The following CDK14 variants were observed in gnomAD, a reference collection of about 807,000 sequenced individuals.
CDK14 encodes cyclin dependent kinase 14.
In CDK14, 34 loss-of-function variants were observed where a neutral mutation model predicts 60.7. The observed-to-expected ratio is 0.56, with a 90% CI of 0.43 to 0.75. The LOEUF (loss-of-function observed/expected upper bound fraction) is 0.75. Ranked by LOEUF, CDK14 falls within the 30% of genes least tolerant of loss-of-function variation. The pLI is 0.00. For synonymous variants in CDK14, 197 were observed against 203.7 expected (o/e 0.97, Z 0.28); for missense variants, 482 against 564.1 (o/e 0.85, Z 1.47).
At chr7:90,798,265 T>C (rs571955252) in intron 5 of CDK14, among the ~76,000 whole-genome samples, 10 of 150,468 alleles carry the variant, frequency 6.6e-5, no homozygotes, top group African/African-American at 1.0e-4. Context: ...TTATTTGTTT[T>C]TTTCTTGCCT....
chr7:90,701,649 C>T (rs1262866680), intron 2 of CDK14, among the ~76,000 whole-genome samples: 1 of 152,168 alleles, frequency 6.6e-6, no homozygotes, highest in African/African-American at 2.4e-5. Flanking sequence ...CCTTTCTGTA[C>T]ATGTATCCCC....
intron 9 of CDK14, among the ~76,000 whole-genome samples, chr7:90,980,458 C>A (rs1380149652): frequency 6.6e-6 from 1 of 151,914 alleles, no homozygotes; most frequent in African/African-American, 2.4e-5. Flanking sequence ...TCAATTTAAT[C>A]CATTGAGAGA....
At chr7:90,609,131 A>G (rs1004680566) in intron 2 of CDK14, among the ~76,000 whole-genome samples, 3 of 152,086 alleles carry the variant, frequency 2.0e-5, no homozygotes, top group Non-Finnish European at 2.9e-5. Context: ...GGCCCAACCT[A>G]TCCTCCCACC....
At chr7:90,979,084 C>A (rs563346309) in intron 9 of CDK14, among the ~76,000 whole-genome samples, 2 of 151,954 alleles carry the variant, frequency 1.3e-5, no homozygotes, top group African/African-American at 4.8e-5. Flanking sequence ...TTTGTCATTT[C>A]GATGAGAAAG....
intron 14 of CDK14, among the ~76,000 whole-genome samples, chr7:91,162,982 C>T (rs750079371): frequency 6.6e-6 from 1 of 152,148 alleles, no homozygotes; most frequent in Non-Finnish European, 1.5e-5. Flanking sequence ...GTTGTGCAGG[C>T]AGCACACTTA....
At chr7:90,900,343 C>G (rs916082744) in intron 7 of CDK14, among the ~76,000 whole-genome samples, 1 of 151,884 alleles carries the variant, frequency 6.6e-6, no homozygotes, top group African/African-American at 2.4e-5. Context: ...TATTAGATTG[C>G]CTTTCCTTAA....
chr7:90,821,622 T>C (rs1040159569), intron 5 of CDK14, among the ~76,000 whole-genome samples: 1 of 152,214 alleles, frequency 6.6e-6, no homozygotes, highest in African/African-American at 2.4e-5. Flanking sequence ...AGCTGAAGGA[T>C]GGGTCTGTTG....
At chr7:90,970,141 T>G (rs1162842609) in intron 9 of CDK14, among the ~76,000 whole-genome samples, 1 of 152,064 alleles carries the variant, frequency 6.6e-6, no homozygotes, top group Non-Finnish European at 1.5e-5. Flanking sequence ...AATTTTTGTA[T>G]TTTTAGTAGA....
chr7:90,720,401 G>C (rs2116684874), intron 2 of CDK14, among the ~76,000 whole-genome samples: 1 of 152,306 alleles, frequency 6.6e-6, no homozygotes, highest in South Asian at 2.1e-4. Flanking sequence ...TGCGTAGAAT[G>C]TCTGAGGGTC....
At chr7:90,802,926 T>C (rs1428708100) in intron 5 of CDK14, among the ~76,000 whole-genome samples, 2 of 152,204 alleles carry the variant, frequency 1.3e-5, no homozygotes, top group African/African-American at 4.8e-5. Flanking sequence ...ATTGTCACTT[T>C]CATTTATTTC....
chr7:90,635,850 G>T (rs17868560), intron 2 of CDK14, among the ~76,000 whole-genome samples: 1 of 150,172 alleles, frequency 6.7e-6, no homozygotes, highest in African/African-American at 2.5e-5. Context: ...GGTCCTTCAC[G>T]TCCCTTGTAA....
chr7:90,866,233 T>TACACACACACAC (rs3038210), intron 6 of CDK14, among the ~76,000 whole-genome samples: 1,429 of 140,306 alleles, frequency 0.01, 4 homozygotes, highest in Non-Finnish European at 0.014. Context: ...CACATACACA[T>TACACACACACAC]ACACACACAC....
intron 2 of CDK14, among the ~76,000 whole-genome samples, chr7:90,627,701 A>C (rs566993450): frequency 3.8e-4 from 57 of 151,962 alleles, no homozygotes; most frequent in African/African-American, 1.3e-3. Context: ...ATGATCTCAG[A>C]ACGTGAATTC....
chr7:90,779,412 T>C (rs1401189435), intron 4 of CDK14, among the ~76,000 whole-genome samples: 1 of 152,040 alleles, frequency 6.6e-6, no homozygotes, highest in African/African-American at 2.4e-5. Context: ...GCCACCATGC[T>C]CAACTATTTT....
At chr7:90,598,047 A>G (rs1219419531) in intron 1 of CDK14, among the ~76,000 whole-genome samples, 7 of 152,148 alleles carry the variant, frequency 4.6e-5, no homozygotes, top group Admixed American at 4.6e-4. Context: ...GAGAGAGGGA[A>G]ATGTTGAGTC....
In CDK14 at chr7:90,932,156, CTTTGG is replaced by C. The variant is rs1483686681; in HGVS notation, c.826+14433_826+14437del. ...TCCTGTCTGAGGCATTCACAGCTGG[CTTTGG>C]ATTTCTGTGTCTCCTAAAGCTTCTG... On this transcript the variant is annotated intron_variant, in intron 8 of 14. Coordinates refer to ENST00000380050, the MANE Select transcript of CDK14 (RefSeq NM_001287135.2). 5.9e-5 allele frequency among the ~76,000 whole-genome samples: 9 copies of C among 152,260 alleles called. No individual in the cohort carries two copies. The South Asian group carries it at 1.7e-3, about 28-fold the overall frequency.
chr7:90,690,824 G>A (rs1801537495), intron 2 of CDK14, among the ~76,000 whole-genome samples: 2 of 152,068 alleles, frequency 1.3e-5, no homozygotes, highest in African/African-American at 4.8e-5. Flanking sequence ...AATAATTTTT[G>A]TATCATGATA....
chr7:90,624,375 G>A (rs897769148), intron 2 of CDK14, among the ~76,000 whole-genome samples: 12 of 152,312 alleles, frequency 7.9e-5, no homozygotes, highest in Middle Eastern at 3.4e-3. Context: ...CAAATAATGA[G>A]TCACTTTCTA....
rs1358166330 is a variant in CDK14, at chr7:90,683,932, GTA to G, written c.124-42633_124-42632del. Among the ~76,000 whole-genome samples, 692 of 145,884 alleles carry G rather than the reference GTA, an allele frequency of 4.7e-3. 9 individuals carry two copies. The highest frequency in any genetic ancestry group is 0.015 in the African/African-American group (566 of 38,646). On this transcript the variant is annotated intron_variant, in intron 2 of 14. Coordinates refer to ENST00000380050, the MANE Select transcript of CDK14 (RefSeq NM_001287135.2). ...TGTGTGTGTGTGTGTGTGTGTGTGTGTATGCATTCATATATACATTCACATGC... is the reference window on the plus strand; with the variant it reads ...TGTGTGTGTGTGTGTGTGTGTGTGTGTGCATTCATATATACATTCACATGC...
Sources: allele counts gnomAD v4.1 joint callset (sites outside exome capture counted in the v4.1 genomes callset), GRCh38; gene constraint gnomAD v4.1.1; transcripts MANE v1.5; gene names NCBI Gene and HGNC (gene_info 2026-07-23, HGNC 2026-07-21).